Variants in PRKCB observed in about 807,000 individuals in gnomAD.
PRKCB encodes protein kinase C beta.
Under a neutral mutation model 81.5 loss-of-function variants are expected in PRKCB, and 13 were observed. The observed-to-expected ratio is 0.16, with a 90% CI of 0.10 to 0.25. The LOEUF (loss-of-function observed/expected upper bound fraction) is 0.25. Ranked by LOEUF, PRKCB falls within the 10% of genes least tolerant of loss-of-function variation. The pLI is 1.00. For synonymous variants in PRKCB, 335 were observed against 321.4 expected (o/e 1.04, Z -0.45); for missense variants, 509 against 875.7 (o/e 0.58, Z 5.29).
intron 2 of PRKCB, among the ~76,000 whole-genome samples, chr16:23,970,780 A>G (rs1964545245): frequency 6.6e-6 from 1 of 152,256 alleles, no homozygotes; most frequent in African/African-American, 2.4e-5. Context: ...TAGTCACAAT[A>G]GTCCCAAGGG....
intron 2 of PRKCB, among the ~76,000 whole-genome samples, chr16:23,968,374 G>A (rs1964514678): frequency 6.6e-6 from 1 of 152,192 alleles, no homozygotes. Flanking sequence ...CCTTGCAACA[G>A]CAGGAGGCGG....
At chr16:24,045,224 G>A (rs1965749900) in intron 5 of PRKCB, among the ~76,000 whole-genome samples, 1 of 152,206 alleles carries the variant, frequency 6.6e-6, no homozygotes, top group Non-Finnish European at 1.5e-5. Context: ...AAATGATGGG[G>A]TGTTGGTTGC....
At chr16:23,911,128 C>CTTT (rs567904157) in intron 2 of PRKCB, among the ~76,000 whole-genome samples, 439 of 31,528 alleles carry the variant, frequency 0.014, 158 homozygotes, top group South Asian at 0.031. Context: ...CGTATATATG[C>CTTT]TTTTTTTTTT....
rs751959350 is a variant in PRKCB at position 23,856,632 on chromosome 16, T to C, written c.205+19226T>C. ...TCAACCTCCCAGGCCCAAGAGATCC[T>C]CCCACCTCATTCTCATGAGTAGCTG... On this transcript the variant is annotated intron_variant, in intron 2 of 16. Coordinates refer to ENST00000643927, the MANE Select transcript of PRKCB (RefSeq NM_002738.7). 1.7e-4 allele frequency among the ~76,000 whole-genome samples: 26 copies of C among 151,800 alleles called. 1 individual carries two copies. Among genetic ancestry groups the C allele is most frequent in the Non-Finnish European group, 3.5e-4 (24 of 67,972 alleles).
intron 16 of PRKCB, among the ~76,000 whole-genome samples, chr16:24,202,924 C>T (rs1211483559): frequency 6.6e-6 from 1 of 152,020 alleles, no homozygotes; most frequent in Non-Finnish European, 1.5e-5. Context: ...TATAAGAATA[C>T]CTGAAACTGG....
chr16:23,898,904 T>C (rs1963422591), intron 2 of PRKCB, among the ~76,000 whole-genome samples: 1 of 152,216 alleles, frequency 6.6e-6, no homozygotes, highest in African/African-American at 2.4e-5. Flanking sequence ...ATAGTGATCG[T>C]GTATACTTCA....
chr16:24,044,871 G>T (rs1165910571), intron 5 of PRKCB, among the ~76,000 whole-genome samples: 1 of 152,202 alleles, frequency 6.6e-6, no homozygotes, highest in Non-Finnish European at 1.5e-5. Flanking sequence ...TATTTAGTAT[G>T]ATCTCATTTT....
chr16:23,899,768 G>C (rs1182529029), intron 2 of PRKCB, among the ~76,000 whole-genome samples: 1 of 53,786 alleles, frequency 1.9e-5, no homozygotes, highest in Non-Finnish European at 4.7e-5. Flanking sequence ...CTTCTGAGGA[G>C]CTGGGACCGT....
chr16:23,860,954 T>G (rs1291812542), intron 2 of PRKCB, among the ~76,000 whole-genome samples: 1 of 151,602 alleles, frequency 6.6e-6, no homozygotes, highest in Non-Finnish European at 1.5e-5. Flanking sequence ...TTAAGGAGAG[T>G]GTCTTAGTTT....
At chr16:23,930,387 G>A (rs1963954289) in intron 2 of PRKCB, among the ~76,000 whole-genome samples, 1 of 152,010 alleles carries the variant, frequency 6.6e-6, no homozygotes. Context: ...TGGGCAACAT[G>A]GTGAAACCCT....
intron 9 of PRKCB, among the ~76,000 whole-genome samples, chr16:24,140,636 G>A: frequency 6.6e-6 from 1 of 152,136 alleles, no homozygotes; most frequent in Admixed American, 6.5e-5. Context: ...CTGGCTTATG[G>A]GTTCACGTCG....
At chr16:24,130,698 T>A (rs1297779890) in intron 9 of PRKCB, among the ~76,000 whole-genome samples, 1 of 152,230 alleles carries the variant, frequency 6.6e-6, no homozygotes, top group Non-Finnish European at 1.5e-5. Flanking sequence ...TTTCGTCCTG[T>A]ATGGCTCCAT....
intron 16 of PRKCB, among the ~76,000 whole-genome samples, chr16:24,211,557 CTTT>C (rs34318557): frequency 7.7e-5 from 10 of 130,426 alleles, no homozygotes; most frequent in Admixed American, 7.8e-5. Context: ...TACAGACTCA[CTTT>C]TTTTTTTTTT....
At chr16:24,213,461 A>G (rs1038780204) in intron 16 of PRKCB, among the ~76,000 whole-genome samples, 2 of 152,196 alleles carry the variant, frequency 1.3e-5, no homozygotes, top group Non-Finnish European at 2.9e-5. Context: ...CAGTTCCGTC[A>G]TCTATAAAAT....
chr16:24,063,467 G>A (rs1965997624), intron 5 of PRKCB, among the ~76,000 whole-genome samples: 1 of 151,728 alleles, frequency 6.6e-6, no homozygotes, highest in Non-Finnish European at 1.5e-5. Context: ...CCTAATTTTT[G>A]TATTTTTAGG....
intron 3 of PRKCB, among the ~76,000 whole-genome samples, chr16:24,016,144 GT>G (rs1359623261): frequency 6.6e-6 from 1 of 151,982 alleles, no homozygotes; most frequent in Non-Finnish European, 1.5e-5. Context: ...TAGGGTTGTT[GT>G]TCCTAGACAG....
intron 2 of PRKCB, among the ~76,000 whole-genome samples, chr16:23,867,154 C>G (rs1962821516): frequency 6.6e-6 from 1 of 151,080 alleles, no homozygotes; most frequent in South Asian, 2.1e-4. Flanking sequence ...CTTTCCGAGT[C>G]TCACTCTGTC....
At position 24,181,789 on chromosome 16, in the gene PRKCB, A is replaced by AAAAAAAAAAAAAAAG. The variant is rs1013403340; in HGVS notation, c.1533+863_1533+864insAAAAAAAAAAAAGAA. 2.6e-4 allele frequency among the ~76,000 whole-genome samples: 36 copies of AAAAAAAAAAAAAAAG among 138,796 alleles called. 1 individual carries two copies. Among genetic ancestry groups the AAAAAAAAAAAAAAAG allele is most frequent in the East Asian group, 1.7e-3 (7 of 4,110 alleles). 91.1% of individuals were successfully genotyped at this position (138,796 alleles called of 152,430 possible). On this transcript the variant is annotated intron_variant, in intron 13 of 16. Transcript: ENST00000643927. ...CCTGTCTCAAAAAAAAAAAAAAAAA[A>AAAAAAAAAAAAAAAG]AAGAAGAAGAATGACAAATAACACT... is the stretch of plus-strand genomic sequence containing the variant.
chr16:24,050,055 A>G (rs1965822010), intron 5 of PRKCB, among the ~76,000 whole-genome samples: 1 of 152,200 alleles, frequency 6.6e-6, no homozygotes, highest in Admixed American at 6.5e-5. Flanking sequence ...AGCTGCTGAC[A>G]TAGATATTGA....
Sources: gnomAD v4.1 joint callset for allele counts (sites outside exome capture counted in the v4.1 genomes callset) on GRCh38, gnomAD v4.1.1 for gene constraint, MANE v1.5 for transcripts, NCBI Gene and HGNC (gene_info 2026-07-23, HGNC 2026-07-21) for gene names.